The following S100Z variants were observed in gnomAD, a reference collection of about 807,000 sequenced individuals.
S100Z encodes protein S100-Z.
In S100Z, 11 loss-of-function variants were observed where a neutral mutation model predicts 8.5. That is an observed-to-expected ratio of 1.30 (90% CI 0.82 to 2.15). The LOEUF (loss-of-function observed/expected upper bound fraction) is 2.15. Among genes scored for constraint, S100Z ranks in the 30% most tolerant of loss-of-function variants. The pLI, the probability that S100Z is intolerant of heterozygous loss-of-function variation, is 0.00. For missense variants in S100Z, 126 were observed against 117.9 expected (o/e 1.07, Z -0.32); for synonymous variants, 34 against 43.8 (o/e 0.78, Z 0.89).
chr5:76,922,239 A>T (rs183271159), downstream of S100Z, among the ~76,000 whole-genome samples: 1 of 152,194 alleles, frequency 6.6e-6, no homozygotes, highest in Non-Finnish European at 1.5e-5. Context: ...TTTCCAAAAG[A>T]AATGCAATTT....
At chr5:76,942,720 G>C in the S100Z span, among the ~76,000 whole-genome samples, 2 of 152,148 alleles carry the variant, frequency 1.3e-5, no homozygotes, top group Non-Finnish European at 2.9e-5. Context: ...TGTTTTTACA[G>C]ATGTTGATTC....
intron 4 of S100Z, among the ~76,000 whole-genome samples, chr5:76,889,101 G>T (rs1438056216): frequency 6.6e-6 from 1 of 152,248 alleles, no homozygotes; most frequent in Non-Finnish European, 1.5e-5. Context: ...ATCAAGCACC[G>T]CCTCCTCTAG....
intron 2 of S100Z, among the ~76,000 whole-genome samples, chr5:76,872,666 A>T (rs1225861885): frequency 6.6e-6 from 1 of 151,890 alleles, no homozygotes; most frequent in Non-Finnish European, 1.5e-5. Context: ...TCTTAAAAAA[A>T]TAAATAAAAT....
chr5:76,891,669 G>A (rs1212829032), intron 4 of S100Z, among the ~76,000 whole-genome samples: 3 of 152,164 alleles, frequency 2.0e-5, no homozygotes, highest in South Asian at 2.1e-4. Context: ...TGGAGGAGTC[G>A]TTTGGAAACA....
chr5:76,912,473 G>A (rs116685779), intron 4 of S100Z, among the ~76,000 whole-genome samples: 3,282 of 152,276 alleles, frequency 0.022, 115 homozygotes, highest in African/African-American at 0.073. Flanking sequence ...TGATGTAACC[G>A]TACTTGAAAG....
At chr5:76,909,021 C>T (rs1744554308) in intron 4 of S100Z, among the ~76,000 whole-genome samples, 2 of 152,160 alleles carry the variant, frequency 1.3e-5, no homozygotes, top group South Asian at 4.1e-4. Flanking sequence ...AGGAGGAAAA[C>T]TAGTGTTTCT....
the S100Z span, among the ~76,000 whole-genome samples, chr5:76,940,623 G>A: frequency 6.6e-6 from 1 of 152,128 alleles, no homozygotes; most frequent in Admixed American, 6.5e-5. Context: ...ATGTTGGCCA[G>A]GCTGATCTTG....
intron 1 of S100Z, among the ~76,000 whole-genome samples, chr5:76,863,765 C>T (rs773550528): frequency 6.6e-6 from 1 of 152,076 alleles, no homozygotes; most frequent in African/African-American, 2.4e-5. Context: ...GTCTCGATCT[C>T]CTGACCTTGT....
At chr5:76,913,566 C>T (rs536796202) in intron 4 of S100Z, among the ~76,000 whole-genome samples, 2 of 152,310 alleles carry the variant, frequency 1.3e-5, no homozygotes, top group East Asian at 1.9e-4. Flanking sequence ...AAATCCCAAA[C>T]TTACAAGATT....
chr5:76,918,182 A>G (rs1229965957), intron 4 of S100Z, among the ~76,000 whole-genome samples: 1 of 152,064 alleles, frequency 6.6e-6, no homozygotes, highest in Non-Finnish European at 1.5e-5. Flanking sequence ...ATATTATCCA[A>G]CTTTATTTTT....
At chr5:76,850,646 T>C (rs1170226023) in intron 1 of S100Z, among the ~76,000 whole-genome samples, 1 of 151,994 alleles carries the variant, frequency 6.6e-6, no homozygotes, top group East Asian at 1.9e-4. Flanking sequence ...GTCACAGCAG[T>C]GGTCTATGCT....
rs536226015 is a variant in S100Z at position 76,917,633 on chromosome 5, G to A, written c.*3-3084G>A. Among the ~76,000 whole-genome samples the A allele has an allele frequency of 3.9e-4, 60 of 152,092 alleles. 1 individual carries two copies. The highest frequency in any genetic ancestry group is 7.9e-4 in the Non-Finnish European group (54 of 68,014). On this transcript the variant is annotated intron_variant, in intron 4 of 4. Transcript: ENST00000317593. ...AGGCCAGGGGTTCGAGACCAGCCTG[G>A]CCAACATGGCGAAACCCCATCTCTA...
intron 4 of S100Z, among the ~76,000 whole-genome samples, chr5:76,912,137 T>C (rs1744687232): frequency 6.6e-6 from 1 of 152,244 alleles, no homozygotes; most frequent in African/African-American, 2.4e-5. Context: ...AGGATCTCAC[T>C]GTTTGGACTA....
At chr5:76,931,281 A>T in the S100Z span, among the ~76,000 whole-genome samples, 31,206 of 151,608 alleles carry the variant, frequency 0.21, 3,534 homozygotes, top group Middle Eastern at 0.35. Context: ...CTAATTTTTT[A>T]AAAAACTTTT....
At chr5:76,911,056 G>A (rs2150679989) in intron 4 of S100Z, among the ~76,000 whole-genome samples, 1 of 152,264 alleles carries the variant, frequency 6.6e-6, no homozygotes, top group South Asian at 2.1e-4. Context: ...TACTTGAGGA[G>A]GGAATCAACC....
At chr5:76,860,656 G>A (rs1420411633) in intron 1 of S100Z, among the ~76,000 whole-genome samples, 1 of 152,076 alleles carries the variant, frequency 6.6e-6, no homozygotes, top group African/African-American at 2.4e-5. Context: ...GTGATGCTTC[G>A]GAATCAGAAA....
At chr5:76,856,548 T>C (rs1048298581) in intron 1 of S100Z, among the ~76,000 whole-genome samples, 10 of 152,198 alleles carry the variant, frequency 6.6e-5, no homozygotes, top group African/African-American at 9.7e-5. Context: ...TTCTTTACAG[T>C]GGTGTAAGAA....
chr5:76,855,999 G>A (rs894005687), intron 1 of S100Z, among the ~76,000 whole-genome samples: 1 of 152,108 alleles, frequency 6.6e-6, no homozygotes, highest in Non-Finnish European at 1.5e-5. Context: ...GCTAGCATGA[G>A]ATCTGGTTGT....
intron 4 of S100Z, among the ~76,000 whole-genome samples, chr5:76,913,075 A>G (rs960297506): frequency 6.6e-6 from 1 of 152,252 alleles, no homozygotes; most frequent in Non-Finnish European, 1.5e-5. Context: ...AGGTAACTTT[A>G]GAACCTATAA....
Sources: gnomAD v4.1 joint callset for allele counts (sites outside exome capture counted in the v4.1 genomes callset) on GRCh38, gnomAD v4.1.1 for gene constraint, MANE v1.5 for transcripts, NCBI Gene and HGNC (gene_info 2026-07-23, HGNC 2026-07-21) for gene names.